MTHFD1L: variants seen among roughly 807,000 people sequenced by gnomAD.
MTHFD1L encodes methylenetetrahydrofolate dehydrogenase (NADP+ dependent) 1 like.
Under a neutral mutation model 119.5 loss-of-function variants are expected in MTHFD1L, and 81 were observed. That is an observed-to-expected ratio of 0.68 (90% CI 0.57 to 0.82). The LOEUF is 0.82. Ranked by LOEUF, MTHFD1L falls within the 40% of genes least tolerant of loss-of-function variation. The pLI, the probability that MTHFD1L is intolerant of heterozygous loss-of-function variation, is 0.00. For missense variants in MTHFD1L, 1,125 were observed against 1,253.4 expected (o/e 0.90, Z 1.55); for synonymous variants, 430 against 475.2 (o/e 0.90, Z 1.24).
intron 13 of MTHFD1L, among the ~76,000 whole-genome samples, chr6:150,943,360 G>A (rs1583696984): frequency 6.6e-6 from 1 of 152,258 alleles, no homozygotes; most frequent in African/African-American, 2.4e-5. Flanking sequence ...GCTGGGCGTG[G>A]TGGCTCATGC....
intron 1 of MTHFD1L, chr6:150,866,505 C>G: frequency 1.5e-6 from 2 of 1,297,852 alleles, no homozygotes; most frequent in Non-Finnish European, 9.8e-7. Flanking sequence ...AAGCGGAGCT[C>G]GGGAGAGGCG....
chr6:150,999,774 T>A (rs543971739), intron 20 of MTHFD1L, among the ~76,000 whole-genome samples: 1 of 152,336 alleles, frequency 6.6e-6, no homozygotes, highest in South Asian at 2.1e-4. Flanking sequence ...TGTCTGTAAC[T>A]AATTAATGCT....
Position 151,099,816 on chromosome 6 carries a change from C to G in MTHFD1L, c.*32-1710C>G, listed in dbSNP as rs541736605. On this transcript the variant is annotated intron_variant, in intron 27 of 27. Transcript: ENST00000367321. Reference sequence around the variant, plus strand: ...TGATGTGCAACAATCGTACTTGTGCCGAGATCGCTCACAATGTTTCCTCCA... The same window carrying G: ...TGATGTGCAACAATCGTACTTGTGCGGAGATCGCTCACAATGTTTCCTCCA... The G allele has an allele frequency of 2.5e-6, 4 of 1,603,490 alleles. No homozygotes were observed. The East Asian group carries it at 8.9e-5, about 36-fold the overall frequency.
chr6:150,922,098 C>T (rs2295084), intron 9 of MTHFD1L, 107 bp from the exon 10 acceptor site: 125,311 of 796,958 alleles, frequency 0.16, 10,677 homozygotes, highest in Middle Eastern at 0.26. Context: ...TTGTGCGACT[C>T]GATAATCTTG....
At chr6:151,045,364 A>G (rs1787837483) in intron 26 of MTHFD1L, among the ~76,000 whole-genome samples, 1 of 152,174 alleles carries the variant, frequency 6.6e-6, no homozygotes, top group Admixed American at 6.5e-5. Context: ...GGACCTCCGC[A>G]GGGAGCATCT....
chr6:150,906,188 G>A (rs934997341), intron 8 of MTHFD1L, among the ~76,000 whole-genome samples: 1 of 152,246 alleles, frequency 6.6e-6, no homozygotes, highest in Non-Finnish European at 1.5e-5. Context: ...CAGCCTGTGT[G>A]TCTCCCTGAT....
At chr6:150,873,187 C>T (rs1451715572) in intron 1 of MTHFD1L, among the ~76,000 whole-genome samples, 3 of 152,010 alleles carry the variant, frequency 2.0e-5, no homozygotes, top group Non-Finnish European at 4.4e-5. Flanking sequence ...TGGTGGCATG[C>T]ACCAGTAGTC....
At chr6:151,012,019 C>CAACAAAAAAAAAAAAAAA (rs1340191391) in intron 21 of MTHFD1L, among the ~76,000 whole-genome samples, 1 of 58,826 alleles carries the variant, frequency 1.7e-5, no homozygotes, top group African/African-American at 5.8e-5. Context: ...ACAACAACAA[C>CAACAAAAAAAAAAAAAAA]AAAAAAAAAA....
intron 26 of MTHFD1L, among the ~76,000 whole-genome samples, chr6:151,055,428 A>G (rs1408949241): frequency 6.6e-6 from 1 of 152,238 alleles, no homozygotes; most frequent in Non-Finnish European, 1.5e-5. Context: ...CAGAGCAGGA[A>G]GAGCTTCAGG....
chr6:150,944,539 G>A lies in MTHFD1L; in HGVS notation c.1494G>A (p.Leu498=). The part of the protein sequence containing the change: ...DIHAITAANN[L]LAAAIDTRIL... Reference sequence around the variant, plus strand: ...ACGCCATCACCGCTGCCAATAACTTGCTGGCTGCCGCCATCGACACGAGGA... The same window carrying A: ...ACGCCATCACCGCTGCCAATAACTTACTGGCTGCCGCCATCGACACGAGGA... Residue 498 remains leucine (L), a synonymous_variant, in exon 14 of 28, where the codon TTG becomes TTA. Transcript: ENST00000367321. 1.2e-6 allele frequency: 2 copies of A among 1,614,096 alleles called. No individual in the cohort carries two copies. The highest frequency in any genetic ancestry group is 1.7e-6 in the Non-Finnish European group (2 of 1,180,016).
At chr6:150,930,230 A>G (rs971287108) in intron 11 of MTHFD1L, among the ~76,000 whole-genome samples, 1 of 152,194 alleles carries the variant, frequency 6.6e-6, no homozygotes, top group Non-Finnish European at 1.5e-5. Flanking sequence ...GCAAGACCCC[A>G]TCTTTAAAAA....
Position 151,009,942 on chromosome 6 carries a change from A to T in MTHFD1L, c.2249A>T (p.His750Leu), listed in dbSNP as rs1309080136. Residue 750 changes from histidine (H) to leucine (L), a missense_variant, in exon 21 of 28, where the codon CAT becomes CTT. Around this residue, in one of 3 missense-constraint regions of MTHFD1L, gnomAD observed 1,058 missense variants for 1,151.2 expected, o/e 0.92. Coordinates refer to ENST00000367321, the MANE Select transcript of MTHFD1L (RefSeq NM_015440.5). Reference protein sequence around the residue: ...LVATVRALKMHGGGPSVTAGV... With the variant: ...LVATVRALKMLGGGPSVTAGV... ...GCAACGGTGCGAGCTCTGAAGATGCATGGAGGCGGGCCAAGTGTAAGTGCC... is the reference window on the plus strand; with the variant it reads ...GCAACGGTGCGAGCTCTGAAGATGCTTGGAGGCGGGCCAAGTGTAAGTGCC... 1 of 1,609,112 alleles carries T rather than the reference A, an allele frequency of 6.2e-7. No individual in the cohort carries two copies. The highest frequency in any genetic ancestry group is 1.3e-5 in the African/African-American group (1 of 74,708).
chr6:150,931,418 CTG>C (rs1288771482), intron 11 of MTHFD1L, among the ~76,000 whole-genome samples: 12 of 151,864 alleles, frequency 7.9e-5, no homozygotes, highest in Non-Finnish European at 1.8e-4. Flanking sequence ...ATTTAAATAT[CTG>C]TGTGATTTTC....
chr6:151,100,137 C>A (rs1218826172), intron 27 of MTHFD1L, among the ~76,000 whole-genome samples: 2 of 151,484 alleles, frequency 1.3e-5, no homozygotes, highest in African/African-American at 4.9e-5. Context: ...GGGTTCACGC[C>A]ATTCTCCTGC....
In MTHFD1L at chr6:150,887,892, T is replaced by C; in HGVS notation, c.691T>C (p.Ser231Pro). The change falls in exon 7 of 28, where the codon TCT becomes CCT. Residue 231 changes from serine (S) to proline (P), a missense_variant. Physicochemically the swap from Ser to Pro is moderately conservative, Grantham distance 74 (BLOSUM62 -1). This residue lies in a region of MTHFD1L where 1,058 missense variants were observed against 1,151.2 expected (regional missense o/e 0.92). Coordinates refer to ENST00000367321, the MANE Select transcript of MTHFD1L (RefSeq NM_015440.5). ...KKILVVGAHG[S>P]LEAALQCLFQ... ...GATTTTGGTAGTGGGGGCCCATGGG[T>C]CTTTGGAAGCTGCTCTACAATGCCT... is the stretch of plus-strand genomic sequence containing the variant. 6.2e-7 allele frequency: 1 copy of C among 1,610,008 alleles called. No individual in the cohort carries two copies. The highest frequency in any genetic ancestry group is 8.5e-7 in the Non-Finnish European group (1 of 1,178,464).
At chr6:150,919,929 T>G (rs1350424208) in intron 9 of MTHFD1L, among the ~76,000 whole-genome samples, 1 of 152,172 alleles carries the variant, frequency 6.6e-6, no homozygotes, top group African/African-American at 2.4e-5. Context: ...GGGGCTGCAG[T>G]CATCTGAGGC....
At chr6:151,036,328 G>A (rs1786160587) in intron 25 of MTHFD1L, among the ~76,000 whole-genome samples, 1 of 152,146 alleles carries the variant, frequency 6.6e-6, no homozygotes, top group African/African-American at 2.4e-5. Flanking sequence ...GGAACACTGT[G>A]TGCCATTTAA....
At chr6:150,936,987 G>A in intron 12 of MTHFD1L, 47 bp downstream of exon 12, 3 of 1,597,428 alleles carry the variant, frequency 1.9e-6, no homozygotes, top group Non-Finnish European at 2.6e-6. Context: ...AAGTTGGGGG[G>A]AGAGAATTGT....
chr6:151,015,861 C>G (rs1159125269), intron 24 of MTHFD1L, among the ~76,000 whole-genome samples, 168 bp downstream of exon 24: 1 of 152,094 alleles, frequency 6.6e-6, no homozygotes, highest in African/African-American at 2.4e-5. Context: ...CTAGGGCGGG[C>G]AGATCACTTG....
Sources: allele counts gnomAD v4.1 joint callset (sites outside exome capture counted in the v4.1 genomes callset), GRCh38; gene constraint gnomAD v4.1.1; regional missense constraint gnomAD v4.1.1; transcripts MANE v1.5; gene names NCBI Gene and HGNC (gene_info 2026-07-23, HGNC 2026-07-21).